KRT7: variants seen among roughly 807,000 people sequenced by gnomAD.
The protein encoded by KRT7 is keratin 7, also known as keratin, type II cytoskeletal 7.
A neutral mutation model predicts 42.8 loss-of-function variants in KRT7; 50 were observed. That is an observed-to-expected ratio of 1.17 (90% confidence interval 0.93 to 1.48). The LOEUF is 1.48. KRT7 is among the 40% of genes most tolerant of loss of function. The probability of loss-of-function intolerance (pLI) is 0.00; values close to 1 mark genes in which losing one functional copy is unlikely to be tolerated. For synonymous variants in KRT7, 268 were observed against 266.3 expected, an observed-to-expected ratio of 1.01 and a Z score of -0.06; for missense variants, 588 against 637.6, an observed-to-expected ratio of 0.92 and a Z score of 0.84.
chr12:52,244,323 C>T, intron 6 of KRT7: 1 of 985,620 alleles, frequency 1.0e-6, no homozygotes, highest in Non-Finnish European at 1.2e-6. Flanking sequence ...ATGGTGGTTT[C>T]CCAAACCCTG....
chr12:52,252,231 G>A (rs1942275240), downstream of KRT7: 23 of 1,613,328 alleles, frequency 1.4e-5, no homozygotes, highest in Non-Finnish European at 1.7e-5. Context: ...GGAAACTGAG[G>A]GGACACCCTC....
chr12:52,253,508 G>T, downstream of KRT7: 1 of 1,571,428 alleles, frequency 6.4e-7, no homozygotes, highest in South Asian at 1.1e-5. Context: ...CATCCGTAGG[G>T]ACCAGAATCC....
chr12:52,247,840 C>T, intron 7 of KRT7: 1 of 348,800 alleles, frequency 2.9e-6, no homozygotes, highest in Non-Finnish European at 5.3e-6. Flanking sequence ...CTACCATTCA[C>T]CGAATCCCAG....
intron 7 of KRT7, 155 bp downstream of exon 7, chr12:52,245,787 T>A: frequency 1.1e-6 from 1 of 937,154 alleles, no homozygotes; most frequent in Non-Finnish European, 1.6e-6. Context: ...CTTGCCTCTT[T>A]GCCTTCAATG....
intron 7 of KRT7, 82 bp downstream of exon 7, chr12:52,245,714 T>C (rs1942158909): frequency 6.5e-7 from 1 of 1,550,016 alleles, no homozygotes. Flanking sequence ...TTACAAGCAT[T>C]TCCTGTATGC....
rs751695629 is a variant in KRT7 at position 52,245,627 on chromosome 12, G to A, written c.1200G>A (p.Glu400=). The A allele has an allele frequency of 1.2e-6, 2 of 1,613,474 alleles. No homozygotes were observed. Among genetic ancestry groups the A allele is most frequent in the South Asian group, 2.2e-5 (2 of 91,056 alleles). The change falls in exon 7 of 9, where the codon GAG becomes GAA. Residue 400 remains glutamate (E), a synonymous_variant. Transcript: ENST00000331817. The part of the protein sequence containing the change: ...ATYRKLLEGE[E]SRLAGDGVGA... ...ACCGCAAGCTGCTGGAGGGCGAGGA[G>A]AGCCGGTGAGGACAAGGAACCTGGA...
downstream of KRT7, chr12:52,254,379 G>A (rs1422752537): frequency 2.7e-6 from 2 of 741,004 alleles, no homozygotes; most frequent in East Asian, 3.6e-5. Context: ...AGGGGAGAAG[G>A]TGGCACAGGA....
chr12:52,252,423 C>T (rs771952390), downstream of KRT7: 5 of 1,614,160 alleles, frequency 3.1e-6, no homozygotes, highest in East Asian at 1.1e-4. Flanking sequence ...GCGGGCATCA[C>T]TGAGGGCCGC....
intron 2 of KRT7, 91 bp from the exon 3 acceptor site, chr12:52,237,418 G>A (rs1240648390): frequency 1.2e-5 from 11 of 903,386 alleles, no homozygotes; most frequent in African/African-American, 1.0e-4. Context: ...GGGGAAGGGA[G>A]GCAGGGCAGA....
downstream of KRT7, chr12:52,254,427 C>T (rs1942312741): frequency 3.4e-6 from 2 of 587,184 alleles, no homozygotes; most frequent in Non-Finnish European, 6.6e-6. Flanking sequence ...TTGTTTTTTT[C>T]CTACCAGGGA....
intron 4 of KRT7, 104 bp from the exon 5 acceptor site, chr12:52,241,368 C>T (rs755716177): frequency 9.4e-6 from 10 of 1,067,986 alleles, no homozygotes; most frequent in Non-Finnish European, 1.2e-5. Flanking sequence ...TCAGCCCACT[C>T]CCAGCTGTTC....
chr12:52,245,392 A>G lies in KRT7; in HGVS notation c.985-20A>G, dbSNP rs1314825221. 2.5e-6 allele frequency: 4 copies of G among 1,611,952 alleles called. No homozygotes were observed. Among genetic ancestry groups the G allele is most frequent in the Non-Finnish European group, 3.4e-6 (4 of 1,179,262 alleles). On this transcript the variant is annotated intron_variant, in intron 6 of 8. Coordinates refer to ENST00000331817, the MANE Select transcript of KRT7 (RefSeq NM_005556.4). ...GGCAGACTGGTGAGCCCCAGCTTAC[A>G]GCTGCACTGCTGCCCACAGCGTGCC...
At chr12:52,240,378 C>G (rs1942070274) in intron 4 of KRT7, among the ~76,000 whole-genome samples, 2 of 151,994 alleles carry the variant, frequency 1.3e-5, no homozygotes, top group African/African-American at 4.8e-5. Context: ...GCCTGTAATC[C>G]CAGTAGTTTG....
Position 52,245,563 on chromosome 12 carries a change from T to C in KRT7, c.1136T>C (p.Met379Thr). ...ARQLREYQEL[M>T]SVKLALDIEI... ...CAGCTGCGTGAGTACCAGGAACTCATGAGCGTGAAGCTGGCCCTGGACATC... is the reference window on the plus strand; with the variant it reads ...CAGCTGCGTGAGTACCAGGAACTCACGAGCGTGAAGCTGGCCCTGGACATC... Residue 379 changes from methionine to threonine, a missense_variant, in exon 7 of 9, where the codon ATG (methionine) becomes ACG (threonine). Coordinates refer to ENST00000331817, the MANE Select transcript of KRT7 (RefSeq NM_005556.4). 6.2e-7 allele frequency: 1 copy of C among 1,613,858 alleles called. No individual in the cohort carries two copies. The highest frequency in any genetic ancestry group is 8.5e-7 in the Non-Finnish European group (1 of 1,179,808).
rs1252707440 is a variant in KRT7, at chr12:52,246,293, G to A, written c.1205+661G>A. The A allele has an allele frequency of 2.6e-5, 4 of 152,240 alleles. No homozygotes were observed. The East Asian group carries it at 7.7e-4, about 29-fold the overall frequency. 9.4% of individuals were successfully genotyped at this position (152,240 alleles called of 1,614,324 possible). ...TTCGAACTCAACCTCTTCATTCTTG[G>A]CTTGTTATAAGACACCATGGCAACA... On this transcript the variant is annotated intron_variant, in intron 7 of 8. Transcript: ENST00000331817.
At chr12:52,234,127 A>AGGGGGGGGGGGGGGGGGGGG (rs574825664) in intron 1 of KRT7, among the ~76,000 whole-genome samples, 1 of 82,838 alleles carries the variant, frequency 1.2e-5, no homozygotes, top group African/African-American at 4.9e-5. Context: ...GGGGCGGGGG[A>AGGGGGGGGGGGGGGGGGGGG]GGGGGGGGGG....
At chr12:52,252,414 C>A, downstream of KRT7, 1 of 1,614,136 alleles carries the variant, frequency 6.2e-7, no homozygotes, top group South Asian at 1.1e-5. Context: ...CAGCTTGCAG[C>A]GGGCATCACT....
downstream of KRT7, among the ~76,000 whole-genome samples, chr12:52,252,914 C>T (rs888711531): frequency 1.3e-4 from 20 of 152,294 alleles, no homozygotes; most frequent in Non-Finnish European, 2.5e-4. Flanking sequence ...AATGCCTTTC[C>T]CAAGTCTCAT....
At chr12:52,247,881 T>G in intron 7 of KRT7, 1 of 277,150 alleles carries the variant, frequency 3.6e-6, no homozygotes, top group Non-Finnish European at 5.7e-6. Context: ...ATTATGTCAT[T>G]TAACCCTCAC....
Sources: gnomAD v4.1 joint callset for allele counts (sites outside exome capture counted in the v4.1 genomes callset) on GRCh38, gnomAD v4.1.1 for gene constraint, MANE v1.5 for transcripts, NCBI Gene and HGNC (gene_info 2026-07-23, HGNC 2026-07-21) for gene names.